Variants in LOX observed in about 807,000 individuals in gnomAD.
LOX encodes the protein lysyl oxidase, also known as protein-lysine 6-oxidase.
A neutral mutation model predicts 50.5 loss-of-function variants in LOX; 12 were observed. The observed-to-expected ratio is 0.24, with a 90% CI of 0.15 to 0.38. The LOEUF (loss-of-function observed/expected upper bound fraction) is 0.38. LOX is among the 10% of genes least tolerant of loss of function. The pLI is 1.00. For synonymous variants in LOX, 254 were observed against 230.6 expected, an observed-to-expected ratio of 1.10 and a Z score of -0.92; for missense variants, 504 against 563.8, an observed-to-expected ratio of 0.89 and a Z score of 1.07.
intron 6 of LOX, chr5:122,069,812 G>T (rs1451864753): frequency 1.5e-5 from 7 of 479,296 alleles, no homozygotes; most frequent in Non-Finnish European, 2.4e-5. Context: ...TAAACACTGT[G>T]GTCTGTTTAT....
In LOX at chr5:122,064,823, T is replaced by C. The variant is rs1005288779; in HGVS notation, c.*1920A>G. ...AAAAGGCCCAATGAATGATTGTAAA[T>C]GTGTCTTCTCCTATGTATCCATGAT... On this transcript the variant is annotated 3_prime_UTR_variant, in exon 7 of 7. Transcript: ENST00000231004. The C allele has an allele frequency of 1.3e-5, 2 of 152,048 alleles. No individual in the cohort carries two copies. Among genetic ancestry groups the C allele is most frequent in the African/African-American group, 4.8e-5 (2 of 41,440 alleles). 9.4% of individuals were successfully genotyped at this position (152,048 alleles called of 1,614,324 possible).
intron 6 of LOX, 151 bp downstream of exon 6, chr5:122,069,902 A>T (rs1442798046): frequency 2.8e-6 from 2 of 711,328 alleles, no homozygotes; most frequent in African/African-American, 3.5e-5. Context: ...ATTTAAAAAA[A>T]TAAAATCAGA....
In LOX at chr5:122,077,762, G is replaced by T. The variant is rs1561421528; in HGVS notation, c.224C>A (p.Ala75Asp). 1 of 1,552,976 alleles carries T rather than the reference G, an allele frequency of 6.4e-7. No individual in the cohort carries two copies. Among genetic ancestry groups the T allele is most frequent in the Non-Finnish European group, 8.7e-7 (1 of 1,153,800 alleles). Residue 75 changes from alanine to aspartate, a missense_variant, in exon 1 of 7, where the codon GCC (alanine) becomes GAC (aspartate). Physicochemically the swap from Ala to Asp is moderately radical, Grantham distance 126. Around this residue, in one of 2 missense-constraint regions of LOX, gnomAD observed 398 missense variants for 365.8 expected, o/e 1.09. Coordinates refer to ENST00000231004, the MANE Select transcript of LOX (RefSeq NM_002317.7). The surrounding 1 kb of genome is among the most constrained non-coding windows in gnomAD (Gnocchi z 4.9). Reference sequence around the variant, plus strand: ...GGAGGCGTTGGCTGCACCAGGGACGGCGGCGCCCGGGTCCCGGCGGCGCTG... The same window carrying T: ...GGAGGCGTTGGCTGCACCAGGGACGTCGGCGCCCGGGTCCCGGCGGCGCTG... ...QPQRRRDPGA[A>D]VPGAANASAQ...
At chr5:122,069,807 A>G (rs1017265263) in intron 6 of LOX, among the ~76,000 whole-genome samples, 1 of 152,078 alleles carries the variant, frequency 6.6e-6, no homozygotes, top group Non-Finnish European at 1.5e-5. Context: ...CTGGGTAAAC[A>G]CTGTGGTCTG....
intron 6 of LOX, 35 bp from the exon 7 acceptor site, chr5:122,066,784 A>G (rs754674290): frequency 2.2e-6 from 3 of 1,375,530 alleles, no homozygotes; most frequent in Non-Finnish European, 3.1e-6. Context: ...CAAATTATTA[A>G]CCTGATAATA....
intron 2 of LOX, chr5:122,076,196 A>C (rs1430069706): frequency 1.3e-5 from 2 of 152,234 alleles, no homozygotes; most frequent in African/African-American, 4.8e-5. Flanking sequence ...AGAAATGTAC[A>C]AATAAACATC....
chr5:122,068,929 T>C (rs903457160), intron 6 of LOX, among the ~76,000 whole-genome samples: 5 of 151,982 alleles, frequency 3.3e-5, no homozygotes, highest in Admixed American at 3.3e-4. Context: ...AATGGTGTTC[T>C]GGCGGTGGGG....
chr5:122,069,088 C>A (rs920249210), intron 6 of LOX, among the ~76,000 whole-genome samples: 1 of 152,180 alleles, frequency 6.6e-6, no homozygotes, highest in Non-Finnish European at 1.5e-5. Context: ...TCATCTATCT[C>A]TAATGTTGTG....
rs201820359 is a variant in LOX, at chr5:122,076,879, A to T, written c.740+14T>A. 11 of 1,612,602 alleles carry T rather than the reference A, an allele frequency of 6.8e-6. No individual in the cohort carries two copies. In the East Asian group the frequency reaches 2.2e-4, roughly 33 times the overall value. On this transcript the variant is annotated intron_variant, in intron 2 of 6. Coordinates refer to ENST00000231004, the MANE Select transcript of LOX (RefSeq NM_002317.7). ...TAGACCGGGGAGCGGGGCCTCAGACATATCAGCCCGTACCTGGCCAGACAG... is the reference window on the plus strand; with the variant it reads ...TAGACCGGGGAGCGGGGCCTCAGACTTATCAGCCCGTACCTGGCCAGACAG...
chr5:122,070,000 T>A (rs1754403982), intron 6 of LOX, 53 bp downstream of exon 6: 1 of 1,285,274 alleles, frequency 7.8e-7, no homozygotes, highest in Admixed American at 1.7e-5. Context: ...ATGTTTGGCA[T>A]GAACAAAAAT....
chr5:122,075,223 C>T, intron 3 of LOX, 181 bp downstream of exon 3: 2 of 527,310 alleles, frequency 3.8e-6, no homozygotes, highest in Non-Finnish European at 6.4e-6. Flanking sequence ...TTTTCCATTT[C>T]AAAAGATAAC....
rs972838662 is a variant in LOX, at chr5:122,077,377, G to T, written c.609C>A (p.Tyr203Ter). The T allele has an allele frequency of 6.2e-7, 1 of 1,613,920 alleles. No homozygotes were observed. The highest frequency in any genetic ancestry group is 1.7e-5 in the Admixed American group (1 of 60,020). ...TACCGTACTGGAAGTAGCCAGTGCC[G>T]TATCCGGGCCGGTACCTGCCCCCAG... ...PRPGGRYRPG[Y>*]GTGYFQYGLP... Residue 203 changes from tyrosine to a stop codon, truncating the protein, a stop_gained, in exon 1 of 7, where the codon TAC (tyrosine) becomes TAA (stop). Coordinates refer to ENST00000231004, the MANE Select transcript of LOX (RefSeq NM_002317.7). LOFTEE classifies it high-confidence loss of function. This position sits in a 1 kb window ranked among gnomAD's most constrained non-coding sequence, Gnocchi z 4.9.
intron 6 of LOX, among the ~76,000 whole-genome samples, chr5:122,068,206 TATA>T (rs926039865): frequency 1.4e-5 from 2 of 147,354 alleles, no homozygotes; most frequent in African/African-American, 5.1e-5. Context: ...AATTCAACTC[TATA>T]TGAGTGACCA....
chr5:122,066,645 C>G lies in LOX; in HGVS notation c.*98G>C, dbSNP rs1190996770. On this transcript the variant is annotated 3_prime_UTR_variant, in exon 7 of 7. Coordinates refer to ENST00000231004, the MANE Select transcript of LOX (RefSeq NM_002317.7). Reference sequence around the variant, plus strand: ...AAATTCTTTTGTTGTTTTCTGTTCTCTTTTTCAAAATACATAAATCCTACT... The same window carrying G: ...AAATTCTTTTGTTGTTTTCTGTTCTGTTTTTCAAAATACATAAATCCTACT... 8 of 997,746 alleles carry G rather than the reference C, an allele frequency of 8.0e-6. No homozygotes were observed. Among genetic ancestry groups the G allele is most frequent in the Non-Finnish European group, 1.1e-5 (7 of 649,574 alleles). The allele number at this position is 997,746 out of a possible 1,614,324, so 61.8% of individuals were successfully genotyped here. A position where few individuals can be genotyped will look rare whatever the true frequency, so the allele number is the denominator to read the frequency against.
chr5:122,075,309 C>T, intron 3 of LOX, 95 bp downstream of exon 3: 1 of 1,177,704 alleles, frequency 8.5e-7, no homozygotes, highest in Non-Finnish European at 1.2e-6. Flanking sequence ...AATTTTCTCC[C>T]TTCAGGTAAG....
At chr5:122,070,349 C>CAGATT (rs762716345) in intron 5 of LOX, 145 bp downstream of exon 5, 63 of 649,320 alleles carry the variant, frequency 9.7e-5, no homozygotes, top group Admixed American at 6.3e-4. Flanking sequence ...TAAAATAAGA[C>CAGATT]AGATTAGATT....
In LOX at chr5:122,078,014, G is replaced by T. The variant is rs895776127; in HGVS notation, c.-29C>A. 1.1e-5 allele frequency: 16 copies of T among 1,439,172 alleles called. No individual in the cohort carries two copies. Among genetic ancestry groups the T allele is most frequent in the African/African-American group, 3.0e-5 (2 of 66,884 alleles). The allele number at this position is 1,439,172 out of a possible 1,614,324, so 89.2% of individuals were successfully genotyped here. On this transcript the variant is annotated 5_prime_UTR_variant, in exon 1 of 7. Transcript: ENST00000231004. Reference sequence around the variant, plus strand: ...TCCTTTTGCCAGATTGACCCCGCTCGAGGAGGACGTGGCTCACAGAAAATA... The same window carrying T: ...TCCTTTTGCCAGATTGACCCCGCTCTAGGAGGACGTGGCTCACAGAAAATA...
chr5:122,077,869 C>A lies in LOX; in HGVS notation c.117G>T (p.Pro39=). The change falls in exon 1 of 7, where the codon CCG becomes CCT. Residue 39 remains proline (P), a synonymous_variant. Coordinates refer to ENST00000231004, the MANE Select transcript of LOX (RefSeq NM_002317.7). The surrounding 1 kb of genome is among the most constrained non-coding windows in gnomAD (Gnocchi z 4.9). ...QQPPREPPAA[P]GAWRQQIQWE... is the part of the protein sequence containing the mutation. ...ATTGGATCTGCTGGCGCCAGGCGCC[C>A]GGAGCCGCCGGCGGCTCGCGCGGGG... The A allele has an allele frequency of 6.5e-7, 1 of 1,535,280 alleles. No homozygotes were observed. Among genetic ancestry groups the A allele is most frequent in the Non-Finnish European group, 8.7e-7 (1 of 1,146,442 alleles).
In LOX at chr5:122,077,277, C is replaced by T; in HGVS notation, c.631+78G>A. 1.3e-6 allele frequency: 2 copies of T among 1,588,650 alleles called. No individual in the cohort carries two copies. ...TCTGCGAGGACCGGGGCCCGCCGCGCCCAGGCAGCCACGTCGAGAAGCCAC... is the reference window on the plus strand; with the variant it reads ...TCTGCGAGGACCGGGGCCCGCCGCGTCCAGGCAGCCACGTCGAGAAGCCAC... On this transcript the variant is annotated intron_variant, in intron 1 of 6. Transcript: ENST00000231004. This position sits in a 1 kb window ranked among gnomAD's most constrained non-coding sequence, Gnocchi z 4.9.
Sources: gnomAD v4.1 joint callset for allele counts (sites outside exome capture counted in the v4.1 genomes callset) on GRCh38, gnomAD v4.1.1 for gene constraint, gnomAD v4.1.1 regional missense constraint, Gnocchi (gnomAD v3.1) non-coding constraint, MANE v1.5 for transcripts, NCBI Gene and HGNC (gene_info 2026-07-23, HGNC 2026-07-21) for gene names.